Variants in TOMM70 observed in about 807,000 individuals in gnomAD.
TOMM70 encodes the protein mitochondrial import receptor subunit TOM70.
Under a neutral mutation model 73.6 loss-of-function variants are expected in TOMM70, and 13 were observed. The ratio of observed to expected loss-of-function variants is 0.18; its 90% confidence interval spans 0.11 to 0.28. TOMM70 has a LOEUF of 0.28. TOMM70 is among the 10% of genes least tolerant of loss of function. TOMM70 has a pLI of 1.00. For missense variants in TOMM70, 609 were observed against 747.5 expected (o/e 0.81, Z 2.16); for synonymous variants, 257 against 271.2 (o/e 0.95, Z 0.51).
intron 4 of TOMM70, among the ~76,000 whole-genome samples, chr3:100,382,837 G>C (rs146087207): frequency 2.1e-4 from 32 of 152,232 alleles, no homozygotes; most frequent in African/African-American, 6.7e-4. Context: ...TTCTAGTTCT[G>C]CCACTTATTA....
chr3:100,385,989 G>A (rs1706687391), intron 3 of TOMM70, among the ~76,000 whole-genome samples: 1 of 152,072 alleles, frequency 6.6e-6, no homozygotes, highest in Non-Finnish European at 1.5e-5. Flanking sequence ...AAAATGTGTA[G>A]TACATAAACT....
intron 1 of TOMM70, among the ~76,000 whole-genome samples, chr3:100,398,276 C>G (rs1427018814): frequency 6.7e-6 from 1 of 150,126 alleles, no homozygotes; most frequent in East Asian, 2.0e-4. Flanking sequence ...CCCAGCTACT[C>G]AGGAGGCTGA....
intron 3 of TOMM70, 72 bp downstream of exon 3, chr3:100,386,146 G>T (rs550578102): frequency 6.0e-6 from 9 of 1,506,550 alleles, no homozygotes; most frequent in Non-Finnish European, 7.1e-6. Flanking sequence ...TCACAAGGCA[G>T]TTTCATATAC....
intron 1 of TOMM70, among the ~76,000 whole-genome samples, chr3:100,392,295 G>A (rs1165187605): frequency 1.4e-5 from 2 of 145,520 alleles, no homozygotes; most frequent in African/African-American, 2.7e-5. Flanking sequence ...AGTAGCAACT[G>A]CATATACACA....
At chr3:100,366,011 A>G (rs968828404) in intron 11 of TOMM70, among the ~76,000 whole-genome samples, 3 of 152,260 alleles carry the variant, frequency 2.0e-5, no homozygotes, top group African/African-American at 4.8e-5. Context: ...GTGTTTACTG[A>G]TAAGAACAGT....
At position 100,364,506 on chromosome 3, in the gene TOMM70, A is replaced by C. The variant is rs1284651066; in HGVS notation, c.*1058T>G. On this transcript the variant is annotated 3_prime_UTR_variant, in exon 12 of 12. Coordinates refer to ENST00000284320, the MANE Select transcript of TOMM70 (RefSeq NM_014820.5). ...CATATATCACACTTACTCTACCTTT[A>C]TTTGGGTTTTACATACAAGCAATCT... is the stretch of plus-strand genomic sequence containing the variant. The C allele has an allele frequency of 1.3e-5, 2 of 152,118 alleles. No individual in the cohort carries two copies. The highest frequency in any genetic ancestry group is 2.9e-5 in the Non-Finnish European group (2 of 68,022). 9.4% of individuals were successfully genotyped at this position (152,118 alleles called of 1,614,324 possible).
At chr3:100,380,581 C>T (rs1038086094) in intron 5 of TOMM70, among the ~76,000 whole-genome samples, 15 of 152,206 alleles carry the variant, frequency 9.9e-5, no homozygotes, top group African/African-American at 3.4e-4. Context: ...TAGCTAGCTA[C>T]GTCCTACCAT....
Position 100,375,287 on chromosome 3 carries a change from TTA to T in TOMM70, c.1093-137_1093-136del, listed in dbSNP as rs1413118751. ...TTTAAAGTATGCATGTCACCTGTTT[TTA>T]GTGTATTCACTAAGTTGTGTGTTGA... On this transcript the variant is annotated intron_variant, in intron 6 of 11. Coordinates refer to ENST00000284320, the MANE Select transcript of TOMM70 (RefSeq NM_014820.5). 17 of 1,086,414 alleles carry T rather than the reference TTA, an allele frequency of 1.6e-5. 1 individual carries two copies. Among genetic ancestry groups the T allele is most frequent in the Middle Eastern group, 2.5e-4 (1 of 4,060 alleles). 67.3% of individuals were successfully genotyped at this position (1,086,414 alleles called of 1,614,324 possible). A position where few individuals can be genotyped will look rare whatever the true frequency, so the allele number is the denominator to read the frequency against.
intron 6 of TOMM70, 64 bp downstream of exon 6, chr3:100,377,641 C>T (rs1706580600): frequency 1.3e-6 from 2 of 1,525,274 alleles, no homozygotes; most frequent in Admixed American, 1.9e-5. Context: ...AAAAATCTGG[C>T]AAAACATAAT....
chr3:100,373,301 G>A (rs960122396), intron 8 of TOMM70, among the ~76,000 whole-genome samples: 1 of 152,124 alleles, frequency 6.6e-6, no homozygotes, highest in Non-Finnish European at 1.5e-5. Context: ...ATGAAGCAGG[G>A]AGACCAGTTC....
In TOMM70 at chr3:100,400,609, C is replaced by T. The variant is rs1706885147; in HGVS notation, c.324+17G>A. On this transcript the variant is annotated intron_variant, in intron 1 of 11. Transcript: ENST00000284320. ...ACGAGCCAGTTTCCTCCTCTACGGC[C>T]TGGGGCTGCTTCTCACCATGTCCAA... The T allele has an allele frequency of 1.2e-6, 2 of 1,607,794 alleles. No individual in the cohort carries two copies. Among genetic ancestry groups the T allele is most frequent in the African/African-American group, 1.3e-5 (1 of 74,468 alleles).
chr3:100,383,299 A>G (rs1706655253), intron 4 of TOMM70, among the ~76,000 whole-genome samples: 1 of 152,106 alleles, frequency 6.6e-6, no homozygotes, highest in Admixed American at 6.5e-5. Flanking sequence ...AGGAAGTTGG[A>G]CGGCTTGAGC....
intron 1 of TOMM70, among the ~76,000 whole-genome samples, chr3:100,387,643 CT>C (rs112940589): frequency 2.2e-5 from 3 of 135,576 alleles, no homozygotes; most frequent in Non-Finnish European, 3.1e-5. Flanking sequence ...CACGTATATA[CT>C]TTTTTTTTTT....
chr3:100,372,568 T>C, intron 9 of TOMM70, 38 bp downstream of exon 9: 1 of 1,471,410 alleles, frequency 6.8e-7, no homozygotes, highest in Non-Finnish European at 9.4e-7. Context: ...TTGGCATATG[T>C]ATGCAGTTAT....
rs556852533 is a variant in TOMM70, at chr3:100,385,857, A to T, written c.625+361T>A. On this transcript the variant is annotated intron_variant, in intron 3 of 11. Coordinates refer to ENST00000284320, the MANE Select transcript of TOMM70 (RefSeq NM_014820.5). ...TACATATTATAAACACAGCTCTCAA[A>T]GCTATATTTATACATATTAAATGAA... Among the ~76,000 whole-genome samples the T allele has an allele frequency of 3.9e-5, 6 of 152,330 alleles. No individual in the cohort carries two copies. In the South Asian group the frequency reaches 1.2e-3, roughly 32 times the overall value.
At chr3:100,379,534 G>C (rs1447926108) in intron 5 of TOMM70, among the ~76,000 whole-genome samples, 1 of 152,116 alleles carries the variant, frequency 6.6e-6, no homozygotes, top group Admixed American at 6.5e-5. Context: ...ACATTGAGGC[G>C]AGAGGATAGC....
chr3:100,378,507 T>C (rs572523685), intron 5 of TOMM70, among the ~76,000 whole-genome samples: 1 of 152,290 alleles, frequency 6.6e-6, no homozygotes, highest in Admixed American at 6.5e-5. Context: ...CTTAGACATT[T>C]AGATACTGAA....
chr3:100,379,770 C>G (rs1233180383), intron 5 of TOMM70, among the ~76,000 whole-genome samples: 1 of 152,096 alleles, frequency 6.6e-6, no homozygotes, highest in Non-Finnish European at 1.5e-5. Flanking sequence ...GTGGACACCA[C>G]CATGCCAAGC....
At position 100,400,734 on chromosome 3, in the gene TOMM70, G is replaced by GCCCCGGCCTCTGGCCTCC; in HGVS notation, c.198_215dup (p.Glu67_Gly72dup). The GCCCCGGCCTCTGGCCTCC allele has an allele frequency of 6.2e-7, 1 of 1,605,046 alleles. No individual in the cohort carries two copies. The highest frequency in any genetic ancestry group is 1.3e-5 in the African/African-American group (1 of 74,818). On this transcript the variant is annotated inframe_insertion, in exon 1 of 12. Coordinates refer to ENST00000284320, the MANE Select transcript of TOMM70 (RefSeq NM_014820.5). ...TGTTGCGCTTCAGGCCGCTGGCGTC[G>GCCCCGGCCTCTGGCCTCC]CCCCGGCCTCTGGCCTCCCGGCGCC...
Sources: allele counts gnomAD v4.1 joint callset (sites outside exome capture counted in the v4.1 genomes callset), GRCh38; gene constraint gnomAD v4.1.1; transcripts MANE v1.5; gene names NCBI Gene and HGNC (gene_info 2026-07-23, HGNC 2026-07-21).